Variants in ZNF85 observed in about 807,000 individuals in gnomAD.
The protein encoded by ZNF85 is zinc finger protein 85.
In ZNF85, 50 loss-of-function variants were observed where a neutral mutation model predicts 53.9. That is an observed-to-expected ratio of 0.93 (90% confidence interval 0.74 to 1.17). ZNF85 has a LOEUF of 1.17. Among genes scored for constraint, ZNF85 ranks in the 50% most tolerant of loss-of-function variants. The pLI is 0.00. For synonymous variants in ZNF85, 225 were observed against 226.1 expected, an observed-to-expected ratio of 1.00 and a Z score of 0.04; for missense variants, 747 against 688.5, an observed-to-expected ratio of 1.08 and a Z score of -0.95.
chr19:20,936,974 TTGAA>T (rs1973172712), intron 3 of ZNF85: 1 of 183,950 alleles, frequency 5.4e-6, no homozygotes, highest in Non-Finnish European at 1.1e-5. Context: ...GTATATGAAT[TTGAA>T]TGAGCAAACA....
At chr19:20,929,576 G>A (rs1049339483) in intron 1 of ZNF85, among the ~76,000 whole-genome samples, 1 of 150,362 alleles carries the variant, frequency 6.7e-6, no homozygotes, top group South Asian at 2.1e-4. Flanking sequence ...AAATTTCTTA[G>A]TATATGTTAT....
chr19:20,936,114 AT>A (rs1973152553), intron 3 of ZNF85, among the ~76,000 whole-genome samples: 1 of 152,128 alleles, frequency 6.6e-6, no homozygotes, highest in Non-Finnish European at 1.5e-5. Flanking sequence ...TGTTTTATGT[AT>A]ATGGAACCCT....
chr19:20,937,119 G>A (rs1389370404), intron 3 of ZNF85: 20 of 268,936 alleles, frequency 7.4e-5, no homozygotes, highest in South Asian at 5.6e-4. Flanking sequence ...TGCAACCTCC[G>A]CCTCCTGCGT....
intron 1 of ZNF85, among the ~76,000 whole-genome samples, chr19:20,932,113 G>A (rs941131935): frequency 6.6e-6 from 1 of 152,194 alleles, no homozygotes; most frequent in Non-Finnish European, 1.5e-5. Flanking sequence ...TAGCAGATGA[G>A]CAGTTGATGT....
intron 3 of ZNF85, among the ~76,000 whole-genome samples, chr19:20,938,880 A>G (rs12977581): frequency 1.4e-3 from 180 of 132,966 alleles, no homozygotes; most frequent in South Asian, 5.7e-3. Context: ...GTGTGTGTAT[A>G]TATATGTGTG....
At chr19:20,933,302 C>T (rs1027181854) in intron 1 of ZNF85, among the ~76,000 whole-genome samples, 6 of 151,354 alleles carry the variant, frequency 4.0e-5, no homozygotes, top group Admixed American at 6.6e-5. Context: ...ATTTTTTCTT[C>T]ATTATTATCT....
At chr19:20,939,885 C>T (rs11669649) in intron 3 of ZNF85, among the ~76,000 whole-genome samples, 16,704 of 151,538 alleles carry the variant, frequency 0.11, 987 homozygotes, top group South Asian at 0.15. Context: ...TTAGTAGAGA[C>T]GGGGTTTCTC....
chr19:20,943,042 T>A (rs1465374340), intron 3 of ZNF85: 1 of 483,260 alleles, frequency 2.1e-6, no homozygotes, highest in African/African-American at 2.0e-5. Context: ...TCCCAAAGTG[T>A]TGGGATTATA....
intron 3 of ZNF85, among the ~76,000 whole-genome samples, chr19:20,946,799 T>A (rs1272102090): frequency 6.6e-6 from 1 of 152,104 alleles, no homozygotes; most frequent in Non-Finnish European, 1.5e-5. Context: ...TCTACTTCCA[T>A]CTTGCCACTT....
chr19:20,929,478 C>G (rs1235285196), intron 1 of ZNF85, among the ~76,000 whole-genome samples: 1 of 152,028 alleles, frequency 6.6e-6, no homozygotes, highest in Admixed American at 6.6e-5. Flanking sequence ...GCCACTGCAC[C>G]CAGCCTATTT....
At chr19:20,946,226 T>G (rs1973416227) in intron 3 of ZNF85, 1 of 332,130 alleles carries the variant, frequency 3.0e-6, no homozygotes, top group African/African-American at 2.2e-5. Context: ...CTGATTCCAT[T>G]TTTATCTTAA....
chr19:20,946,021 T>C (rs778097378), intron 3 of ZNF85, among the ~76,000 whole-genome samples: 4 of 146,120 alleles, frequency 2.7e-5, no homozygotes, highest in Non-Finnish European at 6.0e-5. Context: ...GTGTTTGAAA[T>C]CAGGAAGTGT....
chr19:20,924,974 C>G (rs187040353), intron 1 of ZNF85, among the ~76,000 whole-genome samples: 250 of 152,202 alleles, frequency 1.6e-3, no homozygotes, highest in Middle Eastern at 3.4e-3. Flanking sequence ...GGGGATAAAC[C>G]AGGATGCCCA....
At chr19:20,935,840 A>G (rs1255738449) in intron 3 of ZNF85, among the ~76,000 whole-genome samples, 2 of 152,034 alleles carry the variant, frequency 1.3e-5, no homozygotes, top group African/African-American at 2.4e-5. Context: ...GTGAGCCACC[A>G]TGCCTGGCCA....
chr19:20,930,120 CAAAAAA>C (rs57832039), intron 1 of ZNF85, among the ~76,000 whole-genome samples: 117 of 79,274 alleles, frequency 1.5e-3, no homozygotes, highest in African/African-American at 4.6e-3. Context: ...GACTCCGTCC[CAAAAAA>C]AAAAAAAAAA....
At chr19:20,947,496 T>TA (rs1973451282) in intron 3 of ZNF85, among the ~76,000 whole-genome samples, 1 of 110,096 alleles carries the variant, frequency 9.1e-6, no homozygotes, top group African/African-American at 3.3e-5. Context: ...CACTTTTTTT[T>TA]TTTTTTTTTT....
intron 3 of ZNF85, among the ~76,000 whole-genome samples, chr19:20,942,069 T>C (rs1030002241): frequency 6.6e-6 from 1 of 152,208 alleles, no homozygotes; most frequent in African/African-American, 2.4e-5. Context: ...CATTTGATCA[T>C]ATACAGATTT....
At position 20,949,507 on chromosome 19, in the gene ZNF85, A is replaced by C; in HGVS notation, c.993A>C (p.Thr331=). The C allele has an allele frequency of 1.2e-6, 2 of 1,613,164 alleles. No individual in the cohort carries two copies. Among genetic ancestry groups the C allele is most frequent in the Non-Finnish European group, 8.5e-7 (1 of 1,179,622 alleles). ...TTAAGCAGTCCTCAAACCTTACTAC[A>C]CATAAGATAATTCATACTGGAGAGA... The part of the protein sequence containing the change: ...KAFKQSSNLT[T]HKIIHTGEKP... The change falls in exon 4 of 4, where the codon ACA becomes ACC. Residue 331 remains threonine, a synonymous_variant. Coordinates refer to ENST00000328178, the MANE Select transcript of ZNF85 (RefSeq NM_003429.5).
chr19:20,939,315 G>A (rs988498664), intron 3 of ZNF85, among the ~76,000 whole-genome samples: 1 of 152,154 alleles, frequency 6.6e-6, no homozygotes, highest in African/African-American at 2.4e-5. Flanking sequence ...GAGTGCAGTG[G>A]CATGATCTCA....
Sources: gnomAD v4.1 joint callset for allele counts (sites outside exome capture counted in the v4.1 genomes callset) on GRCh38, gnomAD v4.1.1 for gene constraint, MANE v1.5 for transcripts, NCBI Gene and HGNC (gene_info 2026-07-23, HGNC 2026-07-21) for gene names.